TMEM38B: variants seen among roughly 807,000 people sequenced by gnomAD.
The protein encoded by TMEM38B is transmembrane protein 38B.
In TMEM38B, 24 loss-of-function variants were observed where a neutral mutation model predicts 28.7. The observed-to-expected ratio is 0.84, with a 90% CI of 0.61 to 1.18. TMEM38B has a LOEUF of 1.18. TMEM38B is among the 50% of genes most tolerant of loss of function. The pLI is 0.00. For missense variants in TMEM38B, 380 were observed against 350.9 expected (o/e 1.08, Z -0.66); for synonymous variants, 131 against 127.7 (o/e 1.03, Z -0.17).
At chr9:105,704,090 G>C (rs1017929444) in intron 1 of TMEM38B, among the ~76,000 whole-genome samples, 3 of 150,478 alleles carry the variant, frequency 2.0e-5, no homozygotes, top group African/African-American at 7.4e-5. Context: ...TGTGGGGTAG[G>C]GGGAGGGGGG....
chr9:105,718,495 C>T (rs1275650347), intron 2 of TMEM38B, among the ~76,000 whole-genome samples: 1 of 152,196 alleles, frequency 6.6e-6, no homozygotes, highest in East Asian at 1.9e-4. Flanking sequence ...GCCTTGGCCT[C>T]CCAAAGTGCT....
At chr9:105,758,316 C>T in intron 5 of TMEM38B, 3 of 763,142 alleles carry the variant, frequency 3.9e-6, no homozygotes, top group Non-Finnish European at 7.0e-6. Context: ...CAGCAAGTGG[C>T]AGAGCTAGAA....
chr9:105,700,366 T>C (rs1040103433), intron 1 of TMEM38B, among the ~76,000 whole-genome samples: 1 of 152,218 alleles, frequency 6.6e-6, no homozygotes, highest in Admixed American at 6.5e-5. Flanking sequence ...CATTTCAGTA[T>C]GTTAATTCTA....
At chr9:105,726,120 T>C (rs1392969969) in intron 4 of TMEM38B, among the ~76,000 whole-genome samples, 1 of 152,284 alleles carries the variant, frequency 6.6e-6, no homozygotes, top group Non-Finnish European at 1.5e-5. Context: ...GCATTTATCA[T>C]TTCTTTGTAT....
intron 5 of TMEM38B, among the ~76,000 whole-genome samples, chr9:105,760,968 T>A (rs980758325): frequency 6.6e-6 from 1 of 152,236 alleles, no homozygotes; most frequent in Non-Finnish European, 1.5e-5. Context: ...TGATACCAAA[T>A]ACTTTTTGTT....
At chr9:105,744,570 T>A (rs1008115248) in intron 4 of TMEM38B, among the ~76,000 whole-genome samples, 7 of 151,548 alleles carry the variant, frequency 4.6e-5, no homozygotes, top group Admixed American at 1.3e-4. Flanking sequence ...TTCTTTTTTT[T>A]ATTTTTTTAT....
chr9:105,726,581 A>G (rs964462443), intron 4 of TMEM38B, among the ~76,000 whole-genome samples: 4 of 152,086 alleles, frequency 2.6e-5, no homozygotes, highest in Admixed American at 6.6e-5. Flanking sequence ...TTCTTCTGGA[A>G]TATTTCCTGA....
intron 5 of TMEM38B, among the ~76,000 whole-genome samples, chr9:105,767,143 G>GT (rs924207058): frequency 1.3e-3 from 193 of 145,070 alleles, no homozygotes; most frequent in Middle Eastern, 7.4e-3. Flanking sequence ...TAAGGGTCAG[G>GT]TTTTTTTTTT....
intron 2 of TMEM38B, among the ~76,000 whole-genome samples, chr9:105,720,478 A>G (rs568311762): frequency 1.1e-4 from 17 of 152,228 alleles, no homozygotes; most frequent in Admixed American, 2.0e-4. Flanking sequence ...GTCAATGACT[A>G]TGGTAATATT....
chr9:105,721,686 G>T lies in TMEM38B; in HGVS notation c.419G>T (p.Gly140Val), dbSNP rs180727502. The T allele has an allele frequency of 1.2e-6, 2 of 1,613,044 alleles. No individual in the cohort carries two copies. The highest frequency in any genetic ancestry group is 1.7e-5 in the Admixed American group (1 of 59,894). ...VTHANSYYKN[G>V]WIVMIAIGWA... The stretch of plus-strand genomic sequence containing the variant: ...CATGCTAATAGCTATTACAAAAATG[G>T]CTGGATAGTCATGATAGCTATTGGA... Residue 140 changes from glycine (G) to valine (V), a missense_variant, in exon 3 of 6, where the codon GGC becomes GTC. Gly to Val is a moderately radical substitution (Grantham distance 109). Coordinates refer to ENST00000374692, the MANE Select transcript of TMEM38B (RefSeq NM_018112.3).
chr9:105,749,124 G>A (rs1196651503), intron 5 of TMEM38B: 2 of 1,302,032 alleles, frequency 1.5e-6, no homozygotes, highest in African/African-American at 3.0e-5. Context: ...AACAAATATT[G>A]GAGGCAAAAT....
chr9:105,747,426 C>T (rs577051215), intron 4 of TMEM38B, among the ~76,000 whole-genome samples: 254 of 151,922 alleles, frequency 1.7e-3, no homozygotes, highest in African/African-American at 5.9e-3. Context: ...GGTGATATCC[C>T]CTTTATCATT....
chr9:105,749,852 CAT>C (rs1428867277), intron 5 of TMEM38B, among the ~76,000 whole-genome samples: 4 of 152,128 alleles, frequency 2.6e-5, no homozygotes, highest in African/African-American at 9.7e-5. Context: ...TTTGTGTGGA[CAT>C]GTGATTCATT....
Position 105,724,978 on chromosome 9 carries a change from G to A in TMEM38B, c.542+2357G>A, listed in dbSNP as rs564983583. ...CCAAATGTGCCTTTCCTCCTTTCCA[G>A]TTTGCTTTGATTTCATCTCTTGTTA... On this transcript the variant is annotated intron_variant, in intron 4 of 5. Transcript: ENST00000374692. Among the ~76,000 whole-genome samples, 141 of 152,064 alleles carry A rather than the reference G, an allele frequency of 9.3e-4. 2 individuals are homozygous for A. The South Asian group carries it at 0.018, about 19-fold the overall frequency.
At chr9:105,695,879 G>A (rs1270933446) in intron 1 of TMEM38B, among the ~76,000 whole-genome samples, 3 of 152,174 alleles carry the variant, frequency 2.0e-5, no homozygotes, top group Admixed American at 6.5e-5. Context: ...CATTAAAGTA[G>A]AACACATTAT....
chr9:105,758,696 AAAC>A (rs1288999507), intron 5 of TMEM38B: 8 of 749,732 alleles, frequency 1.1e-5, no homozygotes, highest in Non-Finnish European at 1.9e-5. Context: ...AATTGAGAAA[AAAC>A]AACATAGAGA....
intron 5 of TMEM38B, chr9:105,759,051 C>T (rs535846150): frequency 1.2e-6 from 1 of 834,080 alleles, no homozygotes; most frequent in Non-Finnish European, 2.1e-6. Flanking sequence ...ATCAGATGAC[C>T]TCCCTCACTG....
At chr9:105,760,513 CAA>C (rs926753809) in intron 5 of TMEM38B, 11 of 741,430 alleles carry the variant, frequency 1.5e-5, no homozygotes, top group Non-Finnish European at 2.7e-5. Flanking sequence ...CTTTGAAAAG[CAA>C]AAAGTTTCTA....
intron 5 of TMEM38B, among the ~76,000 whole-genome samples, chr9:105,761,872 T>A (rs1306497868): frequency 2.6e-5 from 4 of 152,188 alleles, no homozygotes; most frequent in Non-Finnish European, 5.9e-5. Context: ...TTTATAAACA[T>A]TTTTATAAGT....
Sources: allele counts gnomAD v4.1 joint callset (sites outside exome capture counted in the v4.1 genomes callset), GRCh38; gene constraint gnomAD v4.1.1; transcripts MANE v1.5; gene names NCBI Gene and HGNC (gene_info 2026-07-23, HGNC 2026-07-21).